The following NEBL variants were observed in gnomAD, a reference collection of about 807,000 sequenced individuals.
NEBL encodes nebulette.
Under a neutral mutation model 140.2 loss-of-function variants are expected in NEBL, and 122 were observed. The observed-to-expected ratio is 0.87, with a 90% CI of 0.75 to 1.01. The LOEUF (loss-of-function observed/expected upper bound fraction) is 1.01, where lower values mean the gene tolerates loss of function less well. Among genes scored for constraint, NEBL ranks in the 50% least tolerant of loss-of-function variants. The pLI is 0.00. For synonymous variants in NEBL, 436 were observed against 398.9 expected (o/e 1.09, Z -1.11); for missense variants, 1,365 against 1,231.3 (o/e 1.11, Z -1.62).
intron 1 of NEBL, among the ~76,000 whole-genome samples, chr10:21,291,090 CT>C (rs1265848838): frequency 6.6e-6 from 1 of 151,822 alleles, no homozygotes; most frequent in African/African-American, 2.4e-5. Flanking sequence ...TAAGGGCTTT[CT>C]TTGCTAATTC....
intron 2 of NEBL, among the ~76,000 whole-genome samples, chr10:21,037,329 A>T (rs1175672761): frequency 6.6e-6 from 1 of 152,212 alleles, no homozygotes; most frequent in African/African-American, 2.4e-5. Context: ...TGGAAGGAGC[A>T]GATAATTCAT....
intron 3 of NEBL, among the ~76,000 whole-genome samples, chr10:20,975,353 A>G (rs1464182661): frequency 6.6e-6 from 1 of 152,074 alleles, no homozygotes; most frequent in Admixed American, 6.5e-5. Flanking sequence ...GCTTGGGCCC[A>G]TGAATGGCTC....
intron 2 of NEBL, among the ~76,000 whole-genome samples, chr10:21,077,916 T>C (rs1003126479): frequency 3.3e-5 from 5 of 152,100 alleles, no homozygotes; most frequent in Non-Finnish European, 7.4e-5. Flanking sequence ...GAAAGTACTT[T>C]AGCTCTTAGA....
chr10:21,281,934 C>G (rs1476509758), intron 1 of NEBL, among the ~76,000 whole-genome samples: 1 of 152,084 alleles, frequency 6.6e-6, no homozygotes, highest in Non-Finnish European at 1.5e-5. Context: ...AAATAAATTC[C>G]TTTCTTTTTA....
chr10:21,256,573 G>GTAATCCCAGCCCTT (rs955480852), intron 1 of NEBL, among the ~76,000 whole-genome samples: 2 of 152,194 alleles, frequency 1.3e-5, no homozygotes, highest in African/African-American at 2.4e-5. Flanking sequence ...GCTCATGCCT[G>GTAATCCCAGCCCTT]TAATCCCAGC....
chr10:20,828,558 ATT>A lies in NEBL; in HGVS notation c.1746_1747del (p.Arg582SerfsTer2). 1 of 1,593,328 alleles carries A rather than the reference ATT, an allele frequency of 6.3e-7. No individual in the cohort carries two copies. The highest frequency in any genetic ancestry group is 8.6e-7 in the Non-Finnish European group (1 of 1,161,476). ...ACTAATGTTTTGTTGAGTTGTCTTA[ATT>A]CTCTGAATTTCAGGAGTATCTGCTA... On this transcript the variant is annotated frameshift_variant, in exon 17 of 28. Coordinates refer to ENST00000377122, the MANE Select transcript of NEBL (RefSeq NM_006393.3). LOFTEE classifies it high-confidence loss of function.
chr10:20,899,090 A>T (rs1484634470), upstream of NEBL, among the ~76,000 whole-genome samples: 1 of 152,216 alleles, frequency 6.6e-6, no homozygotes, highest in Non-Finnish European at 1.5e-5. Context: ...CCACAAGGAC[A>T]TTCCTTGTAT....
At chr10:21,265,313 A>G (rs753011856) in intron 1 of NEBL, among the ~76,000 whole-genome samples, 6 of 152,126 alleles carry the variant, frequency 3.9e-5, no homozygotes, top group Non-Finnish European at 8.8e-5. Flanking sequence ...CACATCAGTT[A>G]TTAGGTTCTA....
intron 13 of NEBL, among the ~76,000 whole-genome samples, chr10:20,836,212 G>A (rs1278684918): frequency 6.6e-6 from 1 of 151,788 alleles, no homozygotes. Context: ...AAACTGTTAT[G>A]GTGCTTTGTG....
intron 2 of NEBL, among the ~76,000 whole-genome samples, chr10:21,035,975 C>A (rs1834001081): frequency 6.6e-6 from 1 of 151,934 alleles, no homozygotes; most frequent in South Asian, 2.1e-4. Context: ...CAAGCCTGGC[C>A]AACATGGTGA....
chr10:20,914,647 T>C (rs1188228198), intron 4 of NEBL, among the ~76,000 whole-genome samples: 1 of 152,194 alleles, frequency 6.6e-6, no homozygotes, highest in Non-Finnish European at 1.5e-5. Flanking sequence ...TCCAGGTTTG[T>C]TAACATAATG....
chr10:21,173,621 G>T lies in NEBL; in HGVS notation c.69+144C>A. 1.4e-6 allele frequency: 2 copies of T among 1,382,002 alleles called. No homozygotes were observed. Among genetic ancestry groups the T allele is most frequent in the South Asian group, 1.2e-5 (1 of 82,198 alleles). 85.6% of individuals were successfully genotyped at this position (1,382,002 alleles called of 1,614,324 possible). ...CTCTGACACTCCCGCTGGCGTCTTC[G>T]TTCGCGCGCCCTCCCCCCGTGCCAA... is the stretch of plus-strand genomic sequence containing the variant. On this transcript the variant is annotated intron_variant, in intron 1 of 6. Coordinates refer to the NEBL transcript ENST00000417816. The surrounding 1 kb of genome is among the most constrained non-coding windows in gnomAD (Gnocchi z 5.7).
At position 20,796,367 on chromosome 10, in the gene NEBL, G is replaced by GAAAA. The variant is rs57844177; in HGVS notation, c.2762-9063_2762-9060dup. 1.3e-3 allele frequency among the ~76,000 whole-genome samples: 65 copies of GAAAA among 51,522 alleles called. 2 individuals are homozygous for GAAAA. Among genetic ancestry groups the GAAAA allele is most frequent in the African/African-American group, 3.3e-3 (49 of 14,734 alleles). 33.8% of individuals were successfully genotyped at this position (51,522 alleles called of 152,430 possible). On this transcript the variant is annotated intron_variant, in intron 26 of 27. Coordinates refer to ENST00000377122, the MANE Select transcript of NEBL (RefSeq NM_006393.3). ...AAGAGTGAAACTCAGTCTAAAACAA[G>GAAAA]AAAAAAAAAAAAAAAAAAAAAAAAA...
intron 3 of NEBL, among the ~76,000 whole-genome samples, chr10:21,237,297 C>T (rs1192668404): frequency 6.6e-6 from 1 of 152,168 alleles, no homozygotes; most frequent in African/African-American, 2.4e-5. Flanking sequence ...CTCCCCTTCC[C>T]GGGTTCAAGC....
chr10:21,246,028 G>A (rs972500182), intron 3 of NEBL, among the ~76,000 whole-genome samples: 6 of 152,086 alleles, frequency 3.9e-5, no homozygotes, highest in Non-Finnish European at 7.4e-5. Flanking sequence ...TTTTCCTTCT[G>A]TGTCCCCACA....
At chr10:20,965,540 G>A (rs1274138631) in intron 3 of NEBL, among the ~76,000 whole-genome samples, 1 of 152,232 alleles carries the variant, frequency 6.6e-6, no homozygotes, top group Non-Finnish European at 1.5e-5. Flanking sequence ...CAACCTTAGT[G>A]GGAGGGAAGA....
At chr10:20,855,535 A>C (rs1342781668) in intron 9 of NEBL, among the ~76,000 whole-genome samples, 3 of 151,338 alleles carry the variant, frequency 2.0e-5, no homozygotes, top group African/African-American at 7.3e-5. Context: ...CAAAAAAAAA[A>C]CGAAGGAAAA....
At chr10:21,212,603 T>C (rs1841936418) in intron 3 of NEBL, among the ~76,000 whole-genome samples, 1 of 152,338 alleles carries the variant, frequency 6.6e-6, no homozygotes, top group Admixed American at 6.5e-5. Flanking sequence ...ACCCGGTTCT[T>C]CAGCTTTGCT....
chr10:21,250,346 G>A (rs1302594917), intron 2 of NEBL, among the ~76,000 whole-genome samples: 1 of 152,164 alleles, frequency 6.6e-6, no homozygotes, highest in Admixed American at 6.5e-5. Context: ...TTTCTCCCAT[G>A]CTGGATGCTT....
Sources: gnomAD v4.1 joint callset for allele counts (sites outside exome capture counted in the v4.1 genomes callset) on GRCh38, gnomAD v4.1.1 for gene constraint, Gnocchi (gnomAD v3.1) non-coding constraint, MANE v1.5 for transcripts, NCBI Gene and HGNC (gene_info 2026-07-23, HGNC 2026-07-21) for gene names.